Variants in MARCHF5 observed in about 807,000 individuals in gnomAD.
The protein encoded by MARCHF5 is E3 ubiquitin-protein ligase MARCHF5.
A neutral mutation model predicts 36.5 loss-of-function variants in MARCHF5; 5 were observed. That is an observed-to-expected ratio of 0.14 (90% CI 0.07 to 0.29). MARCHF5 has a LOEUF of 0.29. Among genes scored for constraint, MARCHF5 ranks in the 10% least tolerant of loss-of-function variants. The probability of loss-of-function intolerance (pLI) is 1.00; values close to 1 mark genes in which losing one functional copy is unlikely to be tolerated. For missense variants in MARCHF5, 179 were observed against 336.3 expected (o/e 0.53, Z 3.66); for synonymous variants, 103 against 109.9 (o/e 0.94, Z 0.39).
intron 1 of MARCHF5, among the ~76,000 whole-genome samples, chr10:92,307,179 G>C (rs994499534): frequency 1.4e-5 from 1 of 72,034 alleles, no homozygotes; most frequent in East Asian, 3.4e-4. Context: ...AAACATCTGT[G>C]TGTGTGTGTG....
At chr10:92,342,894 C>A (rs1360750295) in intron 3 of MARCHF5, among the ~76,000 whole-genome samples, 1 of 152,196 alleles carries the variant, frequency 6.6e-6, no homozygotes, top group Non-Finnish European at 1.5e-5. Context: ...GCATATGTAT[C>A]TATGCCAGGG....
At chr10:92,300,891 C>CTT (rs370507190) in intron 1 of MARCHF5, among the ~76,000 whole-genome samples, 25,074 of 127,608 alleles carry the variant, frequency 0.2, 3,209 homozygotes, top group East Asian at 0.35. Context: ...CCTCCTAATT[C>CTT]TTTTTTTTTT....
At chr10:92,310,016 G>C (rs1843125241) in intron 1 of MARCHF5, among the ~76,000 whole-genome samples, 1 of 152,084 alleles carries the variant, frequency 6.6e-6, no homozygotes, top group African/African-American at 2.4e-5. Flanking sequence ...TTTGGATATT[G>C]ATGCCCTGGA....
chr10:92,321,430 G>T (rs1315542721), intron 2 of MARCHF5, among the ~76,000 whole-genome samples: 1 of 152,064 alleles, frequency 6.6e-6, no homozygotes, highest in East Asian at 1.9e-4. Flanking sequence ...TATTAGACTC[G>T]CCTGGGGTTC....
intron 2 of MARCHF5, among the ~76,000 whole-genome samples, chr10:92,331,977 GTATATA>G (rs1415809757): frequency 1.4e-5 from 2 of 146,178 alleles, no homozygotes; most frequent in Non-Finnish European, 3.0e-5. Flanking sequence ...ATATATATAT[GTATATA>G]TATAATCACT....
At chr10:92,299,247 T>C (rs976392567) in intron 1 of MARCHF5, among the ~76,000 whole-genome samples, 4 of 152,208 alleles carry the variant, frequency 2.6e-5, no homozygotes, top group Admixed American at 2.0e-4. Context: ...GGCACTAGAA[T>C]TAGCGAAGGC....
chr10:92,316,085 T>C (rs920197046), intron 2 of MARCHF5, among the ~76,000 whole-genome samples: 4 of 152,078 alleles, frequency 2.6e-5, no homozygotes, highest in African/African-American at 7.2e-5. Flanking sequence ...GAAGAAGGAA[T>C]AAAAGAAGAT....
rs1843741624 is a variant in MARCHF5 at position 92,353,361 on chromosome 10, T to A, written c.*2154T>A. On this transcript the variant is annotated 3_prime_UTR_variant, in exon 6 of 6. Coordinates refer to ENST00000358935, the MANE Select transcript of MARCHF5 (RefSeq NM_017824.5). ...GTTCAAATCATAGTTCAGCTTTCAATAACTGTATGTATGATTTTGGCTAAA... is the reference window on the plus strand; with the variant it reads ...GTTCAAATCATAGTTCAGCTTTCAAAAACTGTATGTATGATTTTGGCTAAA... 6.6e-6 allele frequency: 1 copy of A among 152,212 alleles called. No individual in the cohort carries two copies. The highest frequency in any genetic ancestry group is 1.5e-5 in the Non-Finnish European group (1 of 68,032). The allele number at this position is 152,212 out of a possible 1,614,324, so 9.4% of individuals were successfully genotyped here.
chr10:92,309,512 A>G (rs1377374417), intron 1 of MARCHF5, among the ~76,000 whole-genome samples: 1 of 152,210 alleles, frequency 6.6e-6, no homozygotes, highest in Non-Finnish European at 1.5e-5. Context: ...AGAAAGTATG[A>G]GACTAAAGAG....
At chr10:92,323,297 A>C (rs547378576) in intron 2 of MARCHF5, among the ~76,000 whole-genome samples, 1 of 152,220 alleles carries the variant, frequency 6.6e-6, no homozygotes, top group East Asian at 1.9e-4. Context: ...CTGACCACAC[A>C]CACACAGAGT....
At chr10:92,348,226 C>T (rs897468206) in intron 3 of MARCHF5, among the ~76,000 whole-genome samples, 66 of 149,584 alleles carry the variant, frequency 4.4e-4, no homozygotes, top group Non-Finnish European at 7.7e-4. Context: ...CGGTGGCTCG[C>T]GCCTGTAATC....
At chr10:92,339,060 A>T (rs534368008) in intron 2 of MARCHF5, among the ~76,000 whole-genome samples, 2,407 of 149,378 alleles carry the variant, frequency 0.016, 63 homozygotes, top group African/African-American at 0.057. Flanking sequence ...AAAAAAAATT[A>T]AAAATTAAAT....
At chr10:92,314,896 T>G (rs1002641892) in intron 2 of MARCHF5, among the ~76,000 whole-genome samples, 2 of 152,274 alleles carry the variant, frequency 1.3e-5, no homozygotes, top group East Asian at 1.9e-4. Context: ...CGCTGCATTC[T>G]TAACATGCTG....
intron 2 of MARCHF5, among the ~76,000 whole-genome samples, chr10:92,318,375 A>C (rs891952148): frequency 5.3e-5 from 8 of 150,816 alleles, no homozygotes; most frequent in Non-Finnish European, 1.0e-4. Context: ...TCAGTGTATC[A>C]AGAGAATGCC....
chr10:92,291,366 A>G lies in MARCHF5; in HGVS notation c.-129A>G. 1.2e-6 allele frequency: 1 copy of G among 825,742 alleles called. No homozygotes were observed. Among genetic ancestry groups the G allele is most frequent in the Non-Finnish European group, 2.0e-6 (1 of 502,370 alleles). The allele number at this position is 825,742 out of a possible 1,614,324, so 51.2% of individuals were successfully genotyped here. A position where few individuals can be genotyped will look rare whatever the true frequency, so the allele number is the denominator to read the frequency against. On this transcript the variant is annotated 5_prime_UTR_variant, in exon 1 of 6. Transcript: ENST00000358935. ...GCCAGGCTAGCGGAGCTGCCCCGGG[A>G]AGCTGGGTGACGGGTTCGCGGCTGC...
Position 92,335,721 on chromosome 10 carries a change from A to G in MARCHF5, c.239-4952A>G, listed in dbSNP as rs573497548. 3.9e-4 allele frequency among the ~76,000 whole-genome samples: 60 copies of G among 152,318 alleles called. No individual in the cohort carries two copies. In the East Asian group the frequency reaches 5.4e-3, roughly 14 times the overall value. ...TCTTATTCAAAAGAATTCACACCCA[A>G]TGATTCAGGAAGAAAATTGAGCTTG... On this transcript the variant is annotated intron_variant, in intron 2 of 5. Coordinates refer to ENST00000358935, the MANE Select transcript of MARCHF5 (RefSeq NM_017824.5).
chr10:92,305,621 A>G (rs1038189869), intron 1 of MARCHF5, among the ~76,000 whole-genome samples: 1 of 152,218 alleles, frequency 6.6e-6, no homozygotes, highest in Non-Finnish European at 1.5e-5. Context: ...TATGCATCAC[A>G]CTGAGGACTG....
At chr10:92,344,508 G>A (rs1224943759) in intron 3 of MARCHF5, among the ~76,000 whole-genome samples, 1 of 151,972 alleles carries the variant, frequency 6.6e-6, no homozygotes, top group African/African-American at 2.4e-5. Context: ...CCAGAAATGA[G>A]ACTAGCTATG....
chr10:92,310,021 C>T (rs1405485451), intron 1 of MARCHF5, among the ~76,000 whole-genome samples: 3 of 151,960 alleles, frequency 2.0e-5, no homozygotes, highest in African/African-American at 7.3e-5. Context: ...ATATTGATGC[C>T]CTGGATTCAG....
Sources: allele counts gnomAD v4.1 joint callset (sites outside exome capture counted in the v4.1 genomes callset), GRCh38; gene constraint gnomAD v4.1.1; transcripts MANE v1.5; gene names NCBI Gene and HGNC (gene_info 2026-07-23, HGNC 2026-07-21).